The following TMEM9B variants were observed in gnomAD, a reference collection of about 807,000 sequenced individuals.
TMEM9B encodes the protein transmembrane protein 9B.
TMEM9B carries 8 observed loss-of-function variants against 23.5 expected under a neutral mutation model. The ratio of observed to expected loss-of-function variants is 0.34; its 90% CI spans 0.20 to 0.61. The LOEUF is 0.61. Ranked by LOEUF, TMEM9B falls within the 20% of genes least tolerant of loss-of-function variation. The pLI, the probability that TMEM9B is intolerant of heterozygous loss-of-function variation, is 0.78. For missense variants in TMEM9B, 197 were observed against 252.3 expected (o/e 0.78, Z 1.49); for synonymous variants, 106 against 96.3 (o/e 1.10, Z -0.59).
intron 1 of TMEM9B, 28 bp downstream of exon 1, chr11:8,964,181 G>T (rs770610321): frequency 1.3e-6 from 2 of 1,552,442 alleles, no homozygotes; most frequent in East Asian, 2.4e-5. Context: ...AGGAGCTTCC[G>T]TCAGGAGCGA....
Position 8,953,305 on chromosome 11 carries a change from G to T in TMEM9B, c.339C>A (p.Gly113=). Residue 113 remains glycine (G), a synonymous_variant, in exon 4 of 5, where the codon GGC becomes GGA. Transcript: ENST00000534025. ...VTIIIYLSIL[G]LLLLYMVYLT... is the part of the protein sequence containing the mutation. ...GATATACCATGTACAGAAGTAGAAG[G>T]CCCAAAATGGAGAGATAAATTATAA... 1.2e-6 allele frequency: 2 copies of T among 1,613,778 alleles called. No individual in the cohort carries two copies. Among genetic ancestry groups the T allele is most frequent in the South Asian group, 1.1e-5 (1 of 91,050 alleles).
chr11:8,949,467 A>G (rs1853837382), intron 4 of TMEM9B, among the ~76,000 whole-genome samples: 2 of 152,202 alleles, frequency 1.3e-5, no homozygotes, highest in South Asian at 4.1e-4. Context: ...CAATGTTCCA[A>G]CAGAAGATCC....
chr11:8,963,022 T>C (rs1387110798), intron 1 of TMEM9B, among the ~76,000 whole-genome samples: 1 of 152,228 alleles, frequency 6.6e-6, no homozygotes. Context: ...AGTGAGCATT[T>C]GCTCTGTGTT....
intron 3 of TMEM9B, among the ~76,000 whole-genome samples, chr11:8,954,701 AATAG>A (rs1853942276): frequency 6.6e-6 from 1 of 152,246 alleles, no homozygotes; most frequent in African/African-American, 2.4e-5. Flanking sequence ...TCTGTTAAAT[AATAG>A]TACAGTGAGG....
At chr11:8,963,943 T>TG (rs546228693) in intron 1 of TMEM9B, 2 of 464,814 alleles carry the variant, frequency 4.3e-6, no homozygotes, top group Non-Finnish European at 7.5e-6. Flanking sequence ...GTTAAGGCGG[T>TG]GGGGGGCTGC....
chr11:8,949,498 T>C (rs1236557570), intron 4 of TMEM9B, among the ~76,000 whole-genome samples: 5 of 152,262 alleles, frequency 3.3e-5, no homozygotes, highest in South Asian at 2.1e-4. Flanking sequence ...TTGTACCTCT[T>C]ATACTAAACT....
intron 4 of TMEM9B, among the ~76,000 whole-genome samples, chr11:8,949,395 A>G (rs1050425070): frequency 6.6e-6 from 1 of 152,210 alleles, no homozygotes; most frequent in South Asian, 2.1e-4. Flanking sequence ...ATAGTAATTT[A>G]TTGCTTTTGT....
chr11:8,964,187 A>G (rs773962276), intron 1 of TMEM9B, 22 bp downstream of exon 1: 2 of 1,555,662 alleles, frequency 1.3e-6, no homozygotes, highest in African/African-American at 2.7e-5. Context: ...TTCCGTCAGG[A>G]GCGAGGCTGG....
chr11:8,961,983 T>C (rs1422505130), intron 2 of TMEM9B, 109 bp downstream of exon 2: 39 of 729,084 alleles, frequency 5.3e-5, no homozygotes, highest in Non-Finnish European at 6.0e-5. Context: ...CATTTTTGCT[T>C]CAAATGAAAT....
At chr11:8,961,632 G>C (rs1053378519) in intron 2 of TMEM9B, among the ~76,000 whole-genome samples, 54 of 152,212 alleles carry the variant, frequency 3.5e-4, no homozygotes, top group African/African-American at 1.3e-3. Flanking sequence ...TGACTACATA[G>C]CTCATTTCCA....
At chr11:8,962,284 C>A in intron 1 of TMEM9B, 101 bp from the exon 2 acceptor site, 1 of 695,522 alleles carries the variant, frequency 1.4e-6, no homozygotes, top group East Asian at 3.2e-5. Context: ...CTTTAGAATA[C>A]CAAGTATTCT....
rs1266612748 is a variant in TMEM9B, at chr11:8,947,763, A to ACAGT, written c.*553_*556dup. ...CAGACACAGCAGATACCCAGATAAT[A>ACAGT]CAGTCAGTGCAAAAGTCAAATGAGT... is the stretch of plus-strand genomic sequence containing the variant. On this transcript the variant is annotated 3_prime_UTR_variant, in exon 5 of 5. Coordinates refer to ENST00000534025, the MANE Select transcript of TMEM9B (RefSeq NM_020644.3). 4 of 153,064 alleles carry ACAGT rather than the reference A, an allele frequency of 2.6e-5. No individual in the cohort carries two copies. The highest frequency in any genetic ancestry group is 9.6e-5 in the African/African-American group (4 of 41,462). The allele number at this position is 153,064 out of a possible 1,614,324, so 9.5% of individuals were successfully genotyped here.
At chr11:8,950,850 CTGAT>C (rs529610858) in intron 4 of TMEM9B, among the ~76,000 whole-genome samples, 47 of 152,214 alleles carry the variant, frequency 3.1e-4, no homozygotes, top group African/African-American at 1.1e-3. Flanking sequence ...AAAATGAAAA[CTGAT>C]AGTTCAACAA....
At chr11:8,953,453 AC>A in intron 3 of TMEM9B, 116 bp from the exon 4 acceptor site, 1 of 958,666 alleles carries the variant, frequency 1.0e-6, no homozygotes, top group South Asian at 1.7e-5. Context: ...TTCTATACAA[AC>A]CAGATAGCAA....
At chr11:8,951,757 CA>C (rs747141702) in intron 4 of TMEM9B, among the ~76,000 whole-genome samples, 191 of 91,336 alleles carry the variant, frequency 2.1e-3, no homozygotes, top group Middle Eastern at 7.7e-3. Context: ...GACTGCGTCT[CA>C]AAAAAAAAAA....
intron 3 of TMEM9B, among the ~76,000 whole-genome samples, chr11:8,954,480 G>T (rs1853939032): frequency 6.6e-6 from 1 of 151,920 alleles, no homozygotes; most frequent in South Asian, 2.1e-4. Context: ...GTAGAGATGG[G>T]GTTTCACCAC....
At chr11:8,952,160 C>G (rs1244622283) in intron 4 of TMEM9B, among the ~76,000 whole-genome samples, 2 of 151,822 alleles carry the variant, frequency 1.3e-5, no homozygotes, top group East Asian at 3.9e-4. Flanking sequence ...GATTTGTGGA[C>G]TAAGTCAATT....
At chr11:8,956,903 A>G (rs1443133274) in intron 2 of TMEM9B, among the ~76,000 whole-genome samples, 1 of 152,086 alleles carries the variant, frequency 6.6e-6, no homozygotes, top group Non-Finnish European at 1.5e-5. Flanking sequence ...GATTTGTTGT[A>G]GAGATCAGGT....
At chr11:8,964,744 G>A (rs1854169224), upstream of TMEM9B, 2 of 175,578 alleles carry the variant, frequency 1.1e-5, no homozygotes, top group South Asian at 1.2e-4. Context: ...CGCCTCTGGC[G>A]ACCCGTGCGG....
Sources: allele counts gnomAD v4.1 joint callset (sites outside exome capture counted in the v4.1 genomes callset), GRCh38; gene constraint gnomAD v4.1.1; transcripts MANE v1.5; gene names NCBI Gene and HGNC (gene_info 2026-07-23, HGNC 2026-07-21).